The following PARM1 variants were observed in gnomAD, a reference collection of about 807,000 sequenced individuals.
PARM1 encodes prostate androgen-regulated mucin-like protein 1.
Under a neutral mutation model 24.6 loss-of-function variants are expected in PARM1, and 14 were observed. The ratio of observed to expected loss-of-function variants is 0.57; its 90% CI spans 0.38 to 0.89. The LOEUF (loss-of-function observed/expected upper bound fraction) is 0.89, where lower values mean the gene tolerates loss of function less well. PARM1 is among the 40% of genes least tolerant of loss of function. The probability of loss-of-function intolerance (pLI) is 0.00; values close to 1 mark genes in which losing one functional copy is unlikely to be tolerated. For synonymous variants in PARM1, 179 were observed against 156.6 expected (o/e 1.14, Z -1.07); for missense variants, 362 against 380.4 (o/e 0.95, Z 0.40).
In PARM1 at chr4:75,037,990, C is replaced by G. The variant is rs1435215238; in HGVS notation, c.848+4029C>G. Among the ~76,000 whole-genome samples, 3 of 152,254 alleles carry G rather than the reference C, an allele frequency of 2.0e-5. No homozygotes were observed. In the East Asian group the frequency reaches 5.8e-4, roughly 29 times the overall value. On this transcript the variant is annotated intron_variant, in intron 3 of 3. Coordinates refer to ENST00000307428, the MANE Select transcript of PARM1 (RefSeq NM_015393.4). The stretch of plus-strand genomic sequence containing the variant: ...GGAGTGCAGTGGCGTGATCTCGGCT[C>G]ACTGCAACCTCCACCTCCCGGGTTC...
intron 1 of PARM1, 116 bp downstream of exon 1, chr4:74,933,486 A>T (rs1721111194): frequency 3.5e-6 from 3 of 850,498 alleles, no homozygotes; most frequent in Admixed American, 3.7e-5. Flanking sequence ...CCTCCGGGTG[A>T]GTGCGCAGGT....
In PARM1 at chr4:75,037,927, C is replaced by A. The variant is rs184794354; in HGVS notation, c.848+3966C>A. On this transcript the variant is annotated intron_variant, in intron 3 of 3. Coordinates refer to ENST00000307428, the MANE Select transcript of PARM1 (RefSeq NM_015393.4). ...GAACATGCACTCTGGGGCAAGTTTT[C>A]TTTTTTTGAGTCGAAGTCTCGCTCT... is the stretch of plus-strand genomic sequence containing the variant. Among the ~76,000 whole-genome samples the A allele has an allele frequency of 3.6e-3, 553 of 151,726 alleles. 1 individual carries two copies. The highest frequency in any genetic ancestry group is 0.013 in the African/African-American group (520 of 41,348).
chr4:74,949,688 G>T (rs1012429198), intron 1 of PARM1, among the ~76,000 whole-genome samples: 3 of 152,114 alleles, frequency 2.0e-5, no homozygotes, highest in African/African-American at 7.2e-5. Flanking sequence ...CATCACCTAG[G>T]CAAGGCCAAT....
At chr4:74,960,430 G>A (rs1472554629) in intron 1 of PARM1, among the ~76,000 whole-genome samples, 1 of 152,130 alleles carries the variant, frequency 6.6e-6, no homozygotes, top group East Asian at 1.9e-4. Flanking sequence ...GGGAAAGGCA[G>A]TCTTAAAAAC....
chr4:74,981,418 C>T (rs1173080690), intron 1 of PARM1, among the ~76,000 whole-genome samples: 1 of 152,016 alleles, frequency 6.6e-6, no homozygotes, highest in Non-Finnish European at 1.5e-5. Flanking sequence ...CAAATCAAAA[C>T]CGCAATGAGA....
At chr4:74,962,302 A>G (rs551361625) in intron 1 of PARM1, among the ~76,000 whole-genome samples, 57 of 152,306 alleles carry the variant, frequency 3.7e-4, no homozygotes, top group African/African-American at 1.3e-3. Context: ...TAAAGAACAT[A>G]CAGATACACA....
At chr4:74,960,852 CAA>C (rs60838371) in intron 1 of PARM1, among the ~76,000 whole-genome samples, 6,157 of 142,070 alleles carry the variant, frequency 0.043, 407 homozygotes, top group African/African-American at 0.15. Context: ...ACTAAAAATA[CAA>C]AAAAAAAAAA....
chr4:74,937,214 A>C (rs1461771698), intron 1 of PARM1, among the ~76,000 whole-genome samples: 1 of 152,234 alleles, frequency 6.6e-6, no homozygotes, highest in Non-Finnish European at 1.5e-5. Context: ...ATATATTAAA[A>C]TACACAAAAT....
At chr4:75,004,421 T>C (rs1560789141) in intron 1 of PARM1, among the ~76,000 whole-genome samples, 1 of 152,186 alleles carries the variant, frequency 6.6e-6, no homozygotes, top group South Asian at 2.1e-4. Flanking sequence ...GTCTATCAAG[T>C]TGCAGAATAT....
chr4:74,950,224 C>T (rs973861344), intron 1 of PARM1, among the ~76,000 whole-genome samples: 13 of 152,180 alleles, frequency 8.5e-5, no homozygotes, highest in African/African-American at 3.1e-4. Flanking sequence ...ACTCGGAAAG[C>T]TTAAAACAAC....
intron 1 of PARM1, chr4:74,969,705 C>G (rs1721984176): frequency 6.6e-6 from 1 of 152,230 alleles, no homozygotes; most frequent in Non-Finnish European, 1.5e-5. Context: ...TGCAATGAAA[C>G]TAAATACCTC....
chr4:75,027,981 G>C (rs146102354), intron 2 of PARM1, among the ~76,000 whole-genome samples: 1 of 152,200 alleles, frequency 6.6e-6, no homozygotes, highest in Admixed American at 6.5e-5. Flanking sequence ...ACCTGTGCTT[G>C]TATCCCAGTT....
intron 1 of PARM1, among the ~76,000 whole-genome samples, chr4:74,935,228 T>C (rs17248859): frequency 0.068 from 10,330 of 152,166 alleles, 417 homozygotes; most frequent in Non-Finnish European, 0.087. Context: ...TCCCTAGTTA[T>C]GCTTCGATAT....
intron 1 of PARM1, among the ~76,000 whole-genome samples, chr4:74,939,857 A>T (rs1049533241): frequency 6.6e-6 from 1 of 152,196 alleles, no homozygotes; most frequent in East Asian, 1.9e-4. Flanking sequence ...TTTAGAAAAC[A>T]TGTCTATTCA....
intron 2 of PARM1, among the ~76,000 whole-genome samples, chr4:75,016,592 A>G (rs751000363): frequency 5.9e-5 from 9 of 152,054 alleles, no homozygotes; most frequent in Non-Finnish European, 1.2e-4. Context: ...TCTGGTGCTT[A>G]GACCTGGTTT....
chr4:74,990,438 A>G (rs1425124050), intron 1 of PARM1, among the ~76,000 whole-genome samples: 1 of 152,176 alleles, frequency 6.6e-6, no homozygotes, highest in East Asian at 1.9e-4. Context: ...AATAGGGATT[A>G]GTGAGCTCCT....
At position 75,045,618 on chromosome 4, in the gene PARM1, C is replaced by T. The variant is rs1723586533; in HGVS notation, c.849-545C>T. ...GGGCACTTCAATTAACATCTCTGAG[C>T]CCCATTTTCCTTGTCAGAGAAACAA... On this transcript the variant is annotated intron_variant, in intron 3 of 3. Transcript: ENST00000307428. Among the ~76,000 whole-genome samples the T allele has an allele frequency of 2.6e-5, 4 of 152,312 alleles. No individual in the cohort carries two copies. In the South Asian group the frequency reaches 8.3e-4, roughly 32 times the overall value.
chr4:75,036,700 G>A (rs1308874208), intron 3 of PARM1, among the ~76,000 whole-genome samples: 1 of 152,194 alleles, frequency 6.6e-6, no homozygotes, highest in African/African-American at 2.4e-5. Context: ...TTGCTCTGAT[G>A]AGTGCTGATT....
chr4:74,971,055 A>G (rs1459849941), intron 1 of PARM1, among the ~76,000 whole-genome samples: 1 of 152,204 alleles, frequency 6.6e-6, no homozygotes, highest in African/African-American at 2.4e-5. Flanking sequence ...GTTGCTTACT[A>G]TGTTTCATCA....
Sources: gnomAD v4.1 joint callset for allele counts (sites outside exome capture counted in the v4.1 genomes callset) on GRCh38, gnomAD v4.1.1 for gene constraint, MANE v1.5 for transcripts, NCBI Gene and HGNC (gene_info 2026-07-23, HGNC 2026-07-21) for gene names.